UVRAG: variants seen among roughly 807,000 people sequenced by gnomAD.
UVRAG encodes the protein UV radiation resistance-associated gene protein.
Under a neutral mutation model 78.0 loss-of-function variants are expected in UVRAG, and 19 were observed. The observed-to-expected ratio is 0.24, with a 90% CI of 0.17 to 0.36. The LOEUF (loss-of-function observed/expected upper bound fraction) is 0.36. Ranked by LOEUF, UVRAG falls within the 10% of genes least tolerant of loss-of-function variation. The probability of loss-of-function intolerance (pLI) is 1.00; values close to 1 mark genes in which losing one functional copy is unlikely to be tolerated. For synonymous variants in UVRAG, 323 were observed against 324.6 expected, an observed-to-expected ratio of 1.00 and a Z score of 0.05; for missense variants, 740 against 853.8, an observed-to-expected ratio of 0.87 and a Z score of 1.66.
At chr11:75,903,662 G>A (rs1348065921) in intron 5 of UVRAG, among the ~76,000 whole-genome samples, 1 of 152,122 alleles carries the variant, frequency 6.6e-6, no homozygotes, top group Non-Finnish European at 1.5e-5. Flanking sequence ...AATCTTTACT[G>A]CAGCAGAACT....
At chr11:75,906,874 G>C (rs1947627437) in intron 5 of UVRAG, among the ~76,000 whole-genome samples, 1 of 152,126 alleles carries the variant, frequency 6.6e-6, no homozygotes, top group South Asian at 2.1e-4. Flanking sequence ...CTATTTTGTT[G>C]ATTTATATGT....
intron 5 of UVRAG, among the ~76,000 whole-genome samples, chr11:75,896,814 C>T (rs886893402): frequency 3.3e-5 from 5 of 152,152 alleles, no homozygotes; most frequent in African/African-American, 1.2e-4. Context: ...TTATGTAACT[C>T]ATATTGGCAT....
chr11:75,866,127 C>T (rs547874416), intron 3 of UVRAG, among the ~76,000 whole-genome samples: 35 of 151,810 alleles, frequency 2.3e-4, no homozygotes, highest in African/African-American at 8.0e-4. Flanking sequence ...GAAGTTGAGG[C>T]GAGAGGATTG....
At chr11:75,887,443 C>T (rs917233132) in intron 4 of UVRAG, among the ~76,000 whole-genome samples, 8 of 140,684 alleles carry the variant, frequency 5.7e-5, no homozygotes, top group African/African-American at 8.0e-5. Flanking sequence ...GCGTGCCTGG[C>T]GCAGGTTTTT....
chr11:75,869,044 A>G (rs1946592556), intron 3 of UVRAG, among the ~76,000 whole-genome samples: 1 of 152,198 alleles, frequency 6.6e-6, no homozygotes, highest in South Asian at 2.1e-4. Context: ...TAGCATTCCA[A>G]GCTAAGAGAT....
chr11:76,037,597 AGCTACTCAAGAG>A (rs1379009526), intron 12 of UVRAG, among the ~76,000 whole-genome samples: 2 of 151,380 alleles, frequency 1.3e-5, no homozygotes, highest in African/African-American at 4.9e-5. Context: ...TGTAAGTCCC[AGCTACTCAAGAG>A]GCTGAGGTGG....
At chr11:75,930,294 C>G (rs190861862) in intron 6 of UVRAG, among the ~76,000 whole-genome samples, 1 of 152,234 alleles carries the variant, frequency 6.6e-6, no homozygotes, top group Admixed American at 6.5e-5. Context: ...AATTTGTATG[C>G]TTAATGAAAG....
chr11:76,113,539 T>C lies in UVRAG; in HGVS notation c.1306-2385T>C, dbSNP rs112168355. Among the ~76,000 whole-genome samples, 238 of 152,280 alleles carry C rather than the reference T, an allele frequency of 1.6e-3. 1 individual carries two copies. Among genetic ancestry groups the C allele is most frequent in the African/African-American group, 5.5e-3 (227 of 41,568 alleles). On this transcript the variant is annotated intron_variant, in intron 13 of 14. Transcript: ENST00000356136. Reference sequence around the variant, plus strand: ...AGATAGTAGAGCAGAGAACTGCTTTTTTTTTCATTATAAATCTTGTAGTGG... The same window carrying C: ...AGATAGTAGAGCAGAGAACTGCTTTCTTTTTCATTATAAATCTTGTAGTGG...
At chr11:75,920,826 G>A (rs1947965828) in intron 6 of UVRAG, among the ~76,000 whole-genome samples, 1 of 152,118 alleles carries the variant, frequency 6.6e-6, no homozygotes, top group Non-Finnish European at 1.5e-5. Flanking sequence ...TTATAAAATT[G>A]GAGTTGATAC....
At chr11:76,071,468 G>T (rs1054788721) in intron 13 of UVRAG, among the ~76,000 whole-genome samples, 1 of 152,134 alleles carries the variant, frequency 6.6e-6, no homozygotes, top group African/African-American at 2.4e-5. Flanking sequence ...CCACAGCAGA[G>T]TTTCCTAAAT....
intron 13 of UVRAG, among the ~76,000 whole-genome samples, chr11:76,066,128 A>G (rs564300634): frequency 6.6e-6 from 1 of 152,248 alleles, no homozygotes; most frequent in East Asian, 1.9e-4. Flanking sequence ...GACTATTTCT[A>G]GGGACTCAAT....
At chr11:75,835,829 C>T (rs1457973007) in intron 1 of UVRAG, among the ~76,000 whole-genome samples, 2 of 152,110 alleles carry the variant, frequency 1.3e-5, no homozygotes, top group Non-Finnish European at 2.9e-5. Flanking sequence ...CATGGTGGCT[C>T]ACGCCTGTAA....
intron 1 of UVRAG, among the ~76,000 whole-genome samples, chr11:75,822,861 ATG>A (rs1253026080): frequency 6.6e-6 from 1 of 151,956 alleles, no homozygotes; most frequent in Non-Finnish European, 1.5e-5. Flanking sequence ...AGGCTTCATC[ATG>A]TAGGCATGAT....
At chr11:75,946,832 C>G (rs1948597021) in intron 6 of UVRAG, among the ~76,000 whole-genome samples, 1 of 152,184 alleles carries the variant, frequency 6.6e-6, no homozygotes, top group South Asian at 2.1e-4. Flanking sequence ...TAGAGCAGAC[C>G]TACCGTCTGT....
intron 14 of UVRAG, among the ~76,000 whole-genome samples, chr11:76,117,270 CA>C (rs1163636944): frequency 6.6e-6 from 1 of 152,140 alleles, no homozygotes; most frequent in African/African-American, 2.4e-5. Flanking sequence ...AGAAAATTGG[CA>C]ACCTACAACA....
At chr11:76,102,771 A>T (rs575530404) in intron 13 of UVRAG, among the ~76,000 whole-genome samples, 1 of 152,210 alleles carries the variant, frequency 6.6e-6, no homozygotes, top group Admixed American at 6.5e-5. Flanking sequence ...GAGAGTTTTT[A>T]TCATGAAGGG....
intron 4 of UVRAG, among the ~76,000 whole-genome samples, chr11:75,888,259 G>A (rs11825180): frequency 2.6e-5 from 4 of 151,902 alleles, no homozygotes; most frequent in African/African-American, 7.3e-5. Flanking sequence ...ACAGCCTCCC[G>A]AGTAGCTGGG....
chr11:75,826,127 G>C (rs1945505031), intron 1 of UVRAG, among the ~76,000 whole-genome samples: 1 of 150,316 alleles, frequency 6.7e-6, no homozygotes, highest in Non-Finnish European at 1.5e-5. Flanking sequence ...GTGAGCCACT[G>C]TGCCTGGCCA....
intron 1 of UVRAG, among the ~76,000 whole-genome samples, chr11:75,846,344 G>T: frequency 6.6e-6 from 1 of 152,168 alleles, no homozygotes; most frequent in Non-Finnish European, 1.5e-5. Flanking sequence ...AAGGGTTTCA[G>T]ACCACTCAGA....
Sources: gnomAD v4.1 joint callset for allele counts (sites outside exome capture counted in the v4.1 genomes callset) on GRCh38, gnomAD v4.1.1 for gene constraint, MANE v1.5 for transcripts, NCBI Gene and HGNC (gene_info 2026-07-23, HGNC 2026-07-21) for gene names.